The following FLG variants were observed in gnomAD, a reference collection of about 807,000 sequenced individuals.
The protein encoded by FLG is epidermal filaggrin.
In FLG, 6 loss-of-function variants were observed where a neutral mutation model predicts 3.8. That is an observed-to-expected ratio of 1.60 (90% CI 0.87 to 3.15). The LOEUF (loss-of-function observed/expected upper bound fraction) is 3.15, where lower values mean the gene tolerates loss of function less well. Ranked by LOEUF, FLG falls within the 30% of genes most tolerant of loss-of-function variation. The pLI is 0.00. For synonymous variants in FLG, 2,551 were observed against 1,931.6 expected (o/e 1.32, Z -8.41); for missense variants, 7,595 against 5,050.9 (o/e 1.50, Z -15.27).
rs1479663448 is a variant in FLG at position 152,310,812 on chromosome 1, T to C, written c.4074A>G (p.Gly1358=). The C allele has an allele frequency of 6.2e-7, 1 of 1,611,896 alleles. No individual in the cohort carries two copies. The highest frequency in any genetic ancestry group is 1.3e-5 in the African/African-American group (1 of 74,880). ...TGTCTGCTGACTGCTGGTGGCGGGA[T>C]CCATGTCTTTCTCCTGGACTTGATC... The part of the protein sequence containing the change: ...QARSSPGERH[G]SRHQQSADSS... The change falls in exon 3 of 3, where the codon GGA becomes GGG. Residue 1358 remains glycine (G), a synonymous_variant. Coordinates refer to ENST00000368799, the MANE Select transcript of FLG (RefSeq NM_002016.2).
Position 152,309,885 on chromosome 1 carries a change from T to G in FLG, c.5001A>C (p.Ala1667=), listed in dbSNP as rs1170870202. The change falls in exon 3 of 3, where the codon GCA becomes GCC. Residue 1667 remains alanine (A), a synonymous_variant. Coordinates refer to ENST00000368799, the MANE Select transcript of FLG (RefSeq NM_002016.2). ...TTGACCTTGCCTGTTCCTGGGATGATGCAGCCTGTCCACCAGAGGAAGTCT... is the reference window on the plus strand; with the variant it reads ...TTGACCTTGCCTGTTCCTGGGATGAGGCAGCCTGTCCACCAGAGGAAGTCT... The part of the protein sequence containing the change: ...HAETSSGGQA[A]SSQEQARSSP... The G allele has an allele frequency of 6.2e-7, 1 of 1,613,960 alleles. No individual in the cohort carries two copies. The highest frequency in any genetic ancestry group is 1.1e-5 in the South Asian group (1 of 91,054).
Position 152,308,278 on chromosome 1 carries a change from G to A in FLG, c.6608C>T (p.Ser2203Phe), listed in dbSNP as rs1393522070. Residue 2203 changes from serine (S) to phenylalanine (F), a missense_variant, in exon 3 of 3, where the codon TCT becomes TTT. Coordinates refer to ENST00000368799, the MANE Select transcript of FLG (RefSeq NM_002016.2). The stretch of plus-strand genomic sequence containing the variant: ...ATGATGATGCGACCCTGAGTGCCTA[G>A]AGCCATCTCCTGATTGTTCCTTGTC... Reference protein sequence around the residue: ...TYDKEQSGDGSRHSGSHHHEA... With the variant: ...TYDKEQSGDGFRHSGSHHHEA... 5 of 1,613,286 alleles carry A rather than the reference G, an allele frequency of 3.1e-6. No individual in the cohort carries two copies. The highest frequency in any genetic ancestry group is 1.3e-5 in the African/African-American group (1 of 74,880).
rs750183118 is a variant in FLG, at chr1:152,302,666, C to T, written c.*34G>A. Reference sequence around the variant, plus strand: ...TTGAAAGTGAACTTGCTTCATTCTTCTATTCTTGGATTAATTCCTTTGCCA... The same window carrying T: ...TTGAAAGTGAACTTGCTTCATTCTTTTATTCTTGGATTAATTCCTTTGCCA... On this transcript the variant is annotated 3_prime_UTR_variant, in exon 3 of 3. Coordinates refer to ENST00000368799, the MANE Select transcript of FLG (RefSeq NM_002016.2). 7 of 1,610,942 alleles carry T rather than the reference C, an allele frequency of 4.3e-6. No individual in the cohort carries two copies. The highest frequency in any genetic ancestry group is 5.9e-6 in the Non-Finnish European group (7 of 1,178,658).
rs777453669 is a variant in FLG at position 152,311,400 on chromosome 1, C to T, written c.3486G>A (p.Gln1162=). Residue 1162 remains glutamine, a synonymous_variant, in exon 3 of 3, where the codon CAG becomes CAA. Transcript: ENST00000368799. ...ACCCCGGGTGTGCACGAATGGTGTC[C>T]TGACCCTCTTGGGACGCTGAGTGCC... is the stretch of plus-strand genomic sequence containing the variant. ...SSRHSASQEG[Q]DTIRAHPGSR... The T allele has an allele frequency of 1.2e-6, 2 of 1,613,694 alleles. No homozygotes were observed. Among genetic ancestry groups the T allele is most frequent in the South Asian group, 2.2e-5 (2 of 91,032 alleles).
In FLG at chr1:152,309,029, C is replaced by T. The variant is rs201043722; in HGVS notation, c.5857G>A (p.Gly1953Ser). Residue 1953 changes from glycine to serine, a missense_variant, in exon 3 of 3, where the codon GGC (glycine) becomes AGC (serine). Gly to Ser is a moderately conservative substitution (Grantham distance 56). Transcript: ENST00000368799. ...LGSAWEQSRD[G>S]SRHPGSHHED... ...TGATGGGACCCAGGGTGTCTGGAGCCATCTCTTGACTGCTCCCAAGCAGAT... is the reference window on the plus strand; with the variant it reads ...TGATGGGACCCAGGGTGTCTGGAGCTATCTCTTGACTGCTCCCAAGCAGAT... The T allele has an allele frequency of 6.2e-7, 1 of 1,614,184 alleles. No homozygotes were observed. The highest frequency in any genetic ancestry group is 1.3e-5 in the African/African-American group (1 of 75,056).
Position 152,308,788 on chromosome 1 carries a change from T to C in FLG, c.6098A>G (p.Asp2033Gly). ...ACCACTGTACCCTCGGTGTCCACTG[T>C]CTCTGACTGCAGATGAAGCTTGTCC... is the stretch of plus-strand genomic sequence containing the variant. Reference protein sequence around the residue: ...GHGQASSAVRDSGHRGYSGSQ... With the variant: ...GHGQASSAVRGSGHRGYSGSQ... Residue 2033 changes from aspartate (D) to glycine (G), a missense_variant, in exon 3 of 3, where the codon GAC (aspartate) becomes GGC (glycine). Physicochemically the swap from Asp to Gly is moderately conservative, Grantham distance 94. Coordinates refer to ENST00000368799, the MANE Select transcript of FLG (RefSeq NM_002016.2). The C allele has an allele frequency of 1.9e-6, 3 of 1,614,172 alleles. No individual in the cohort carries two copies. Among genetic ancestry groups the C allele is most frequent in the South Asian group, 2.2e-5 (2 of 91,080 alleles).
rs1453891175 is a variant in FLG, at chr1:152,313,640, C to A, written c.1246G>T (p.Gly416Trp). The change falls in exon 3 of 3, where the codon GGG becomes TGG. Residue 416 changes from glycine to tryptophan, a missense_variant. Coordinates refer to ENST00000368799, the MANE Select transcript of FLG (RefSeq NM_002016.2). The part of the protein sequence containing the change: ...SSAVSDRGHR[G>W]SSGSQASDSE... ...TCACTGGCCTGACTACCGCTAGACC[C>A]CCGGTGTCCACGATCGCTGACTGCA... 1.9e-6 allele frequency: 3 copies of A among 1,613,988 alleles called. No individual in the cohort carries two copies. The highest frequency in any genetic ancestry group is 2.5e-6 in the Non-Finnish European group (3 of 1,180,030).
intron 1 of FLG, among the ~76,000 whole-genome samples, chr1:152,322,615 G>A (rs1017483870): frequency 6.6e-6 from 1 of 150,976 alleles, no homozygotes; most frequent in Non-Finnish European, 1.5e-5. Flanking sequence ...CTGAGAAAAT[G>A]AAATAGGAAA....
Position 152,306,305 on chromosome 1 carries a change from C to T in FLG, c.8581G>A (p.Ala2861Thr), listed in dbSNP as rs746839571. ...SRHSGSRHHEASTHADISRHS... is the reference protein window; with the variant it reads ...SRHSGSRHHETSTHADISRHS... ...CTAGAGATGTCGGCATGAGTGGAAG[C>T]TTCATGGTGACGCGACCCTGAGTGC... is the stretch of plus-strand genomic sequence containing the variant. The change falls in exon 3 of 3, where the codon GCT (alanine) becomes ACT (threonine). Residue 2861 changes from alanine to threonine, a missense_variant. Physicochemically the swap from Ala to Thr is moderately conservative, Grantham distance 58. Transcript: ENST00000368799. 599 of 1,601,316 alleles carry T rather than the reference C, an allele frequency of 3.7e-4. No homozygotes were observed. The South Asian group carries it at 6.3e-3, about 17-fold the overall frequency.
In FLG at chr1:152,308,964, G is replaced by C. The variant is rs181493919; in HGVS notation, c.5922C>G (p.Ser1974=). ...CTGTGTGACGAGTGCCTGATTGTCTGGAGCTGTCTGCAGAGTGCCCGTGAC... is the reference window on the plus strand; with the variant it reads ...CTGTGTGACGAGTGCCTGATTGTCTCGAGCTGTCTGCAGAGTGCCCGTGAC... ...RAGHGHSADS[S]RQSGTRHTES... is the part of the protein sequence containing the mutation. The change falls in exon 3 of 3, where the codon TCC becomes TCG. Residue 1974 remains serine, a synonymous_variant. Transcript: ENST00000368799. 5.6e-6 allele frequency: 9 copies of C among 1,614,232 alleles called. No homozygotes were observed. Among genetic ancestry groups the C allele is most frequent in the Middle Eastern group, 1.6e-4 (1 of 6,062 alleles).
At position 152,309,285 on chromosome 1, in the gene FLG, T is replaced by C; in HGVS notation, c.5601A>G (p.Gln1867=). 3.1e-6 allele frequency: 5 copies of C among 1,613,820 alleles called. No individual in the cohort carries two copies. The highest frequency in any genetic ancestry group is 4.2e-6 in the Non-Finnish European group (5 of 1,179,964). The change falls in exon 3 of 3, where the codon CAA becomes CAG. Residue 1867 remains glutamine (Q), a synonymous_variant. Transcript: ENST00000368799. ...CTCCTGATTGTTTCTCATTACGTGT[T>C]TGTCTGCTGACACTTCTGGATCCTG... ...GQSGSRSVSR[Q]TRNEKQSGDG... is the part of the protein sequence containing the mutation.
intron 1 of FLG, among the ~76,000 whole-genome samples, chr1:152,323,416 C>A (rs1436002959): frequency 6.6e-6 from 1 of 151,564 alleles, no homozygotes; most frequent in Non-Finnish European, 1.5e-5. Flanking sequence ...GGAATCTGTC[C>A]TGAATATAAA....
Position 152,311,177 on chromosome 1 carries a change from G to C in FLG, c.3709C>G (p.His1237Asp), listed in dbSNP as rs2101647877. The part of the protein sequence containing the change: ...GDGSRHSGSR[H>D]HEAASWADSS... ...TCAGCCCAAGAGGCAGCTTCATGGT[G>C]ACGTGACCCTGAGTGCCTGGAGCCG... is the stretch of plus-strand genomic sequence containing the variant. Residue 1237 changes from histidine (H) to aspartate (D), a missense_variant, in exon 3 of 3, where the codon CAC becomes GAC. His to Asp is a moderately conservative substitution (Grantham distance 81). Coordinates refer to ENST00000368799, the MANE Select transcript of FLG (RefSeq NM_002016.2). 1 of 1,613,832 alleles carries C rather than the reference G, an allele frequency of 6.2e-7. No individual in the cohort carries two copies. Among genetic ancestry groups the C allele is most frequent in the South Asian group, 1.1e-5 (1 of 91,062 alleles).
chr1:152,314,110 C>A lies in FLG; in HGVS notation c.776G>T (p.Arg259Ile). 1 of 1,614,092 alleles carries A rather than the reference C, an allele frequency of 6.2e-7. No individual in the cohort carries two copies. The highest frequency in any genetic ancestry group is 1.1e-5 in the South Asian group (1 of 91,082). ...SLLEENKIYE[R>I]SRSSDGKSSS... ...TGATTTGCCATCAGATGACCTTGATCTTTCATATATTTTGTTTTCTTCTAA... is the reference window on the plus strand; with the variant it reads ...TGATTTGCCATCAGATGACCTTGATATTTCATATATTTTGTTTTCTTCTAA... The change falls in exon 3 of 3, where the codon AGA becomes ATA. Residue 259 changes from arginine to isoleucine, a missense_variant. Coordinates refer to ENST00000368799, the MANE Select transcript of FLG (RefSeq NM_002016.2).
Position 152,303,271 on chromosome 1 carries a change from T to A in FLG, c.11615A>T (p.Tyr3872Phe). 6.2e-7 allele frequency: 1 copy of A among 1,613,990 alleles called. No homozygotes were observed. The highest frequency in any genetic ancestry group is 8.5e-7 in the Non-Finnish European group (1 of 1,179,990). Reference sequence around the variant, plus strand: ...AGATCGCCTCTCAGAGTCCTCTGGGTATGCCTCACTGTCACTGTCCTGGCT... The same window carrying A: ...AGATCGCCTCTCAGAGTCCTCTGGGAATGCCTCACTGTCACTGTCCTGGCT... ...SVSQDSDSEA[Y>F]PEDSERRSES... Residue 3872 changes from tyrosine (Y) to phenylalanine (F), a missense_variant, in exon 3 of 3, where the codon TAC (tyrosine) becomes TTC (phenylalanine). Tyr to Phe is a conservative substitution (Grantham distance 22). Transcript: ENST00000368799.
rs760375504 is a variant in FLG, at chr1:152,313,703, A to C, written c.1183T>G (p.Ser395Ala). ...GSGHQQSADS[S>A]RHSATGRGQA... ...CCGCGCCCAGTGGCTGAGTGTCTGG[A>C]GCTGTCTGCTGACTGCTGGTGGCCG... The change falls in exon 3 of 3, where the codon TCC becomes GCC. Residue 395 changes from serine to alanine, a missense_variant. By Grantham distance (99) the Ser-to-Ala change is moderately conservative. Coordinates refer to ENST00000368799, the MANE Select transcript of FLG (RefSeq NM_002016.2). 2 of 1,613,726 alleles carry C rather than the reference A, an allele frequency of 1.2e-6. No individual in the cohort carries two copies. Among genetic ancestry groups the C allele is most frequent in the Non-Finnish European group, 1.7e-6 (2 of 1,179,964 alleles).
In FLG at chr1:152,309,546, T is replaced by C. The variant is rs770368686; in HGVS notation, c.5340A>G (p.Gly1780=). ...TTCCTCCAGTGCTGGGCCCTGTGCG[T>C]CCATGGGCGGACTCAGACTGTTCAT... ...STHEQSESAH[G]RTGPSTGGRQ... is the part of the protein sequence containing the mutation. The change falls in exon 3 of 3, where the codon GGA becomes GGG. Residue 1780 remains glycine, a synonymous_variant. Transcript: ENST00000368799. 8.1e-6 allele frequency: 13 copies of C among 1,613,840 alleles called. No individual in the cohort carries two copies. The highest frequency in any genetic ancestry group is 3.3e-5 in the South Asian group (3 of 91,046).
Position 152,310,950 on chromosome 1 carries a change from A to T in FLG, c.3936T>A (p.His1312Gln), listed in dbSNP as rs115324644. 1.0e-3 allele frequency: 1,629 copies of T among 1,613,736 alleles called. 11 individuals carry two copies. In the African/African-American group the frequency reaches 0.019, roughly 18 times the overall value. ...GCCCGTGACTGGCTCTGTCTTCTTG[A>T]TGGAACCCAGGGTGTCTGGAGCCAT... ...SRDGSRHPGF[H>Q]QEDRASHGHS... The change falls in exon 3 of 3, where the codon CAT (histidine) becomes CAA (glutamine). Residue 1312 changes from histidine to glutamine, a missense_variant. Transcript: ENST00000368799.
At position 152,312,851 on chromosome 1, in the gene FLG, T is replaced by G. The variant is rs113685999; in HGVS notation, c.2035A>C (p.Lys679Gln). 901 of 1,613,498 alleles carry G rather than the reference T, an allele frequency of 5.6e-4. 10 individuals are homozygous for G. The African/African-American group carries it at 5.8e-3, about 10-fold the overall frequency. The change falls in exon 3 of 3, where the codon AAA becomes CAA. Residue 679 changes from lysine (K) to glutamine (Q), a missense_variant. Physicochemically the swap from Lys to Gln is moderately conservative, Grantham distance 53 (BLOSUM62 1). Coordinates refer to ENST00000368799, the MANE Select transcript of FLG (RefSeq NM_002016.2). ...TTCTGTGTGTGACGAGTGCCTGATT[T>G]TCTGGAGCTGTCTGCAGAGTGCCCA... ...GHGHSADSSR[K>Q]SGTRHTQNSS...
Sources: allele counts gnomAD v4.1 joint callset (sites outside exome capture counted in the v4.1 genomes callset), GRCh38; gene constraint gnomAD v4.1.1; transcripts MANE v1.5; gene names NCBI Gene and HGNC (gene_info 2026-07-23, HGNC 2026-07-21).